Variants in FGF14 observed in about 807,000 individuals in gnomAD.
FGF14 encodes the protein fibroblast growth factor 14, also known as fibroblast growth factor homologous factor 4.
FGF14 carries 5 observed loss-of-function variants against 25.5 expected under a neutral mutation model. That is an observed-to-expected ratio of 0.20 (90% confidence interval 0.10 to 0.41). The LOEUF is 0.41. FGF14 is among the 10% of genes least tolerant of loss of function. FGF14 has a pLI of 1.00. For synonymous variants in FGF14, 138 were observed against 118.3 expected, an observed-to-expected ratio of 1.17 and a Z score of -1.08; for missense variants, 222 against 320.1, an observed-to-expected ratio of 0.69 and a Z score of 2.34.
At chr13:102,143,470 T>A (rs958487793) in intron 1 of FGF14, among the ~76,000 whole-genome samples, 2 of 152,130 alleles carry the variant, frequency 1.3e-5, no homozygotes, top group South Asian at 4.1e-4. Flanking sequence ...AACTGAGGGG[T>A]ATGGTGAACA....
At chr13:101,862,046 A>G (rs1289839561) in intron 3 of FGF14, among the ~76,000 whole-genome samples, 1 of 152,110 alleles carries the variant, frequency 6.6e-6, no homozygotes, top group Admixed American at 6.6e-5. Flanking sequence ...AATGTGTCCA[A>G]GGGGCTAGAG....
At chr13:102,328,812 A>C (rs999330466) in intron 1 of FGF14, among the ~76,000 whole-genome samples, 13 of 152,216 alleles carry the variant, frequency 8.5e-5, no homozygotes, top group African/African-American at 3.1e-4. Flanking sequence ...AGGAGTTATA[A>C]GAGTATTCCA....
At chr13:101,872,284 A>G (rs1362224824) in intron 2 of FGF14, among the ~76,000 whole-genome samples, 4 of 151,334 alleles carry the variant, frequency 2.6e-5, no homozygotes, top group African/African-American at 4.8e-5. Context: ...ATGATTATTC[A>G]TAATGTTTAT....
intron 1 of FGF14, among the ~76,000 whole-genome samples, chr13:101,907,257 C>T (rs577927656): frequency 4.6e-5 from 7 of 152,098 alleles, no homozygotes; most frequent in East Asian, 1.9e-4. Context: ...TAATGGTACC[C>T]GAATACCAAC....
chr13:101,848,966 A>T (rs1365664219), intron 3 of FGF14, among the ~76,000 whole-genome samples: 3 of 152,032 alleles, frequency 2.0e-5, no homozygotes, highest in African/African-American at 7.2e-5. Flanking sequence ...AAATGAAAAA[A>T]AGTGTATTGG....
At chr13:102,216,431 T>C (rs777842539) in intron 1 of FGF14, among the ~76,000 whole-genome samples, 1 of 152,202 alleles carries the variant, frequency 6.6e-6, no homozygotes, top group Non-Finnish European at 1.5e-5. Flanking sequence ...GAATGTTACA[T>C]GGAAGGCTCT....
chr13:102,183,471 T>C (rs2048757513), intron 1 of FGF14, among the ~76,000 whole-genome samples: 1 of 152,178 alleles, frequency 6.6e-6, no homozygotes, highest in African/African-American at 2.4e-5. Context: ...TAGTTAACCC[T>C]ACTTTTACAT....
At chr13:101,853,052 G>A (rs930379566) in intron 3 of FGF14, among the ~76,000 whole-genome samples, 2 of 152,030 alleles carry the variant, frequency 1.3e-5, no homozygotes, top group Non-Finnish European at 2.9e-5. Context: ...AAGGACTTAG[G>A]AACACCTTGC....
chr13:101,787,132 T>C (rs2039883356), intron 3 of FGF14, among the ~76,000 whole-genome samples: 1 of 151,994 alleles, frequency 6.6e-6, no homozygotes, highest in African/African-American at 2.4e-5. Context: ...AAAAAAACAC[T>C]AGGCTATAAT....
At chr13:102,020,789 C>T (rs1193498288) in intron 1 of FGF14, among the ~76,000 whole-genome samples, 1 of 151,942 alleles carries the variant, frequency 6.6e-6, no homozygotes, top group Non-Finnish European at 1.5e-5. Flanking sequence ...TAGGTCACTA[C>T]ACAGATGGGA....
intron 1 of FGF14, among the ~76,000 whole-genome samples, chr13:102,166,822 T>C (rs1248356199): frequency 6.6e-6 from 1 of 152,202 alleles, no homozygotes; most frequent in East Asian, 1.9e-4. Context: ...GAAAATGTTG[T>C]GACCGGAGAT....
At chr13:102,041,674 ACTT>A (rs913978950) in intron 1 of FGF14, among the ~76,000 whole-genome samples, 4 of 152,042 alleles carry the variant, frequency 2.6e-5, no homozygotes, top group Admixed American at 2.6e-4. Context: ...CACAGCAATG[ACTT>A]CTTCTGTGTG....
At chr13:101,878,807 A>C (rs1299463415) in intron 1 of FGF14, among the ~76,000 whole-genome samples, 3 of 152,112 alleles carry the variant, frequency 2.0e-5, no homozygotes, top group Non-Finnish European at 4.4e-5. Context: ...GTGTGGAAAT[A>C]TTACATGTGT....
intron 3 of FGF14, among the ~76,000 whole-genome samples, chr13:101,810,485 G>A (rs2041443581): frequency 6.6e-6 from 1 of 152,148 alleles, no homozygotes. Context: ...CCTGCTTAGT[G>A]GGCAATCTAA....
intron 1 of FGF14, among the ~76,000 whole-genome samples, chr13:102,224,683 T>A (rs1409411596): frequency 6.6e-6 from 1 of 152,178 alleles, no homozygotes; most frequent in Non-Finnish European, 1.5e-5. Context: ...CTGCTAAGTA[T>A]CCTCATGTCT....
chr13:102,062,275 T>C (rs1475718290), intron 1 of FGF14, among the ~76,000 whole-genome samples: 1 of 151,670 alleles, frequency 6.6e-6, no homozygotes, highest in African/African-American at 2.4e-5. Flanking sequence ...CTCTACTTAC[T>C]AGCAAATAAT....
chr13:102,035,692 C>G (rs779953093), intron 1 of FGF14, among the ~76,000 whole-genome samples: 10 of 152,266 alleles, frequency 6.6e-5, no homozygotes, highest in African/African-American at 9.6e-5. Context: ...ATCTTAATAA[C>G]TTTTAGCACT....
In FGF14 at chr13:101,726,747, A is replaced by C; in HGVS notation, c.472T>G (p.Ser158Ala). 1.2e-6 allele frequency: 2 copies of C among 1,612,826 alleles called. No homozygotes were observed. The highest frequency in any genetic ancestry group is 1.1e-5 in the South Asian group (1 of 91,058). ...TCCTGTTGTCTGTACAACATGGATG[A>C]GTAGATTACATAATAATTTTCAAAA... Reference protein sequence around the residue: ...SVFENYYVIYSSMLYRQQESG... With the variant: ...SVFENYYVIYASMLYRQQESG... Residue 158 changes from serine to alanine, a missense_variant, in exon 4 of 5, where the codon TCA becomes GCA. Transcript: ENST00000376143.
chr13:102,391,010 A>G (rs1486025807), intron 1 of FGF14, among the ~76,000 whole-genome samples: 1 of 152,202 alleles, frequency 6.6e-6, no homozygotes, highest in African/African-American at 2.4e-5. Context: ...TTTCAAGTTC[A>G]GACAGATGTT....
Sources: allele counts gnomAD v4.1 joint callset (sites outside exome capture counted in the v4.1 genomes callset), GRCh38; gene constraint gnomAD v4.1.1; transcripts MANE v1.5; gene names NCBI Gene and HGNC (gene_info 2026-07-23, HGNC 2026-07-21).